Variants in NRG3 observed in about 807,000 individuals in gnomAD.
NRG3 encodes the protein neuregulin 3, also known as pro-neuregulin-3, membrane-bound isoform.
NRG3 carries 31 observed loss-of-function variants against 66.9 expected under a neutral mutation model. The ratio of observed to expected loss-of-function variants is 0.46; its 90% CI spans 0.35 to 0.63. The LOEUF (loss-of-function observed/expected upper bound fraction) is 0.63, where lower values mean the gene tolerates loss of function less well. Ranked by LOEUF, NRG3 falls within the 20% of genes least tolerant of loss-of-function variation. The pLI is 0.00. For synonymous variants in NRG3, 393 were observed against 359.4 expected, an observed-to-expected ratio of 1.09 and a Z score of -1.06; for missense variants, 910 against 878.9, an observed-to-expected ratio of 1.04 and a Z score of -0.45.
intron 1 of NRG3, among the ~76,000 whole-genome samples, chr10:82,005,252 A>G (rs1763254881): frequency 6.6e-6 from 1 of 152,238 alleles, no homozygotes; most frequent in Non-Finnish European, 1.5e-5. Flanking sequence ...TGGTCCATTA[A>G]TTAGTGCCAA....
rs190557903 is a variant in NRG3, at chr10:81,889,017, C to T, written c.823+12854C>T. On this transcript the variant is annotated intron_variant, in intron 1 of 8. Coordinates refer to ENST00000372141, the MANE Select transcript of NRG3 (RefSeq NM_001010848.4). ...GCGCTGCAAGAAGCAATAGAATTGGCATGTTTTAAGGATGTTTAGTTTATC... is the reference window on the plus strand; with the variant it reads ...GCGCTGCAAGAAGCAATAGAATTGGTATGTTTTAAGGATGTTTAGTTTATC... Among the ~76,000 whole-genome samples the T allele has an allele frequency of 2.5e-4, 38 of 152,212 alleles. No homozygotes were observed. In the East Asian group the frequency reaches 6.6e-3, roughly 26 times the overall value.
intron 1 of NRG3, among the ~76,000 whole-genome samples, chr10:82,241,208 A>G (rs1054863435): frequency 3.9e-5 from 6 of 152,192 alleles, no homozygotes; most frequent in Non-Finnish European, 7.4e-5. Flanking sequence ...TAAAATGTAT[A>G]AAAATATCCC....
chr10:82,504,219 C>T lies in NRG3; in HGVS notation c.953+145351C>T, dbSNP rs1161809775. Among the ~76,000 whole-genome samples the T allele has an allele frequency of 2.6e-5, 4 of 152,174 alleles. No homozygotes were observed. The East Asian group carries it at 7.7e-4, about 29-fold the overall frequency. ...ATCAGTCAGATGCCTTCTAATGGGGCACTCATTGAGTACTGTCTTGTGTTT... is the reference window on the plus strand; with the variant it reads ...ATCAGTCAGATGCCTTCTAATGGGGTACTCATTGAGTACTGTCTTGTGTTT... On this transcript the variant is annotated intron_variant, in intron 2 of 8. Coordinates refer to ENST00000372141, the MANE Select transcript of NRG3 (RefSeq NM_001010848.4).
chr10:81,922,139 C>CT (rs1022858806), intron 1 of NRG3, among the ~76,000 whole-genome samples: 1 of 151,998 alleles, frequency 6.6e-6, no homozygotes, highest in Non-Finnish European at 1.5e-5. Flanking sequence ...TAGTTAACGA[C>CT]TTTTTTTGTC....
At chr10:82,803,784 A>C (rs2061154676) in intron 3 of NRG3, among the ~76,000 whole-genome samples, 1 of 150,206 alleles carries the variant, frequency 6.7e-6, no homozygotes, top group Non-Finnish European at 1.5e-5. Flanking sequence ...GGGAAAATTA[A>C]ATGAGATAAT....
chr10:82,839,027 T>C (rs1183581748), intron 3 of NRG3, among the ~76,000 whole-genome samples: 2 of 152,082 alleles, frequency 1.3e-5, no homozygotes, highest in Admixed American at 1.3e-4. Flanking sequence ...GAGAACAGTA[T>C]GGGGAAAACC....
At chr10:82,348,825 C>A (rs1403150219) in intron 1 of NRG3, among the ~76,000 whole-genome samples, 1 of 151,472 alleles carries the variant, frequency 6.6e-6, no homozygotes, top group Admixed American at 6.6e-5. Flanking sequence ...ATTTCATCTT[C>A]CATTGCTGAT....
chr10:82,145,655 G>A (rs2070192298), intron 1 of NRG3, among the ~76,000 whole-genome samples: 1 of 152,164 alleles, frequency 6.6e-6, no homozygotes, highest in Non-Finnish European at 1.5e-5. Context: ...TACGCTGTGT[G>A]TTAATTGCTT....
At chr10:82,469,523 T>A (rs1252527280) in intron 2 of NRG3, among the ~76,000 whole-genome samples, 1 of 151,412 alleles carries the variant, frequency 6.6e-6, no homozygotes, top group Non-Finnish European at 1.5e-5. Context: ...TGATGAGGAA[T>A]GTGCATGAGA....
chr10:82,344,040 T>TA (rs978270358), intron 1 of NRG3, among the ~76,000 whole-genome samples: 1 of 151,254 alleles, frequency 6.6e-6, no homozygotes, highest in African/African-American at 2.5e-5. Flanking sequence ...AATTCTCATT[T>TA]AAAAAAACTG....
intron 2 of NRG3, among the ~76,000 whole-genome samples, chr10:82,698,222 G>T (rs2055553243): frequency 6.6e-6 from 1 of 152,020 alleles, no homozygotes; most frequent in Non-Finnish European, 1.5e-5. Flanking sequence ...TGAACCATTT[G>T]CACAATGCCA....
intron 1 of NRG3, among the ~76,000 whole-genome samples, chr10:82,358,507 T>C (rs2135581049): frequency 6.6e-6 from 1 of 152,304 alleles, no homozygotes; most frequent in Middle Eastern, 3.4e-3. Flanking sequence ...ATGGGGCTTC[T>C]CCAGAGTGAC....
intron 1 of NRG3, among the ~76,000 whole-genome samples, chr10:82,201,139 G>A (rs532257506): frequency 1.6e-4 from 24 of 150,288 alleles, no homozygotes; most frequent in Middle Eastern, 3.4e-3. Flanking sequence ...TGGAGGTTGC[G>A]GTGAGCCAAG....
At chr10:82,572,740 A>C (rs2045815742) in intron 2 of NRG3, among the ~76,000 whole-genome samples, 1 of 151,746 alleles carries the variant, frequency 6.6e-6, no homozygotes, top group Non-Finnish European at 1.5e-5. Flanking sequence ...GGAGTTGCTT[A>C]AGAAATGTCT....
intron 1 of NRG3, among the ~76,000 whole-genome samples, chr10:82,310,899 A>C (rs1307157039): frequency 6.6e-6 from 1 of 152,224 alleles, no homozygotes; most frequent in Non-Finnish European, 1.5e-5. Flanking sequence ...AAGTATGAGC[A>C]CTGGAAATTA....
chr10:82,831,460 GTT>G (rs5786574), intron 3 of NRG3, among the ~76,000 whole-genome samples: 1 of 151,830 alleles, frequency 6.6e-6, no homozygotes, highest in African/African-American at 2.4e-5. Flanking sequence ...ATGGAACACA[GTT>G]TTTTTTGTGT....
At chr10:82,126,534 T>G (rs552710061) in intron 1 of NRG3, among the ~76,000 whole-genome samples, 1 of 152,176 alleles carries the variant, frequency 6.6e-6, no homozygotes, top group African/African-American at 2.4e-5. Flanking sequence ...ATGCAGAGAT[T>G]TAATTGAAAT....
At chr10:82,657,194 A>G (rs1459282014) in intron 2 of NRG3, among the ~76,000 whole-genome samples, 3 of 152,072 alleles carry the variant, frequency 2.0e-5, no homozygotes, top group African/African-American at 7.2e-5. Flanking sequence ...ATCACATTCT[A>G]TATAATATAG....
At chr10:82,044,864 A>G (rs1447782350) in intron 1 of NRG3, among the ~76,000 whole-genome samples, 1 of 151,804 alleles carries the variant, frequency 6.6e-6, no homozygotes, top group African/African-American at 2.4e-5. Flanking sequence ...ATGATTTCCA[A>G]TTTCATCCAT....
Sources: allele counts gnomAD v4.1 joint callset (sites outside exome capture counted in the v4.1 genomes callset), GRCh38; gene constraint gnomAD v4.1.1; transcripts MANE v1.5; gene names NCBI Gene and HGNC (gene_info 2026-07-23, HGNC 2026-07-21).